Variants in ARHGEF7 observed in about 807,000 individuals in gnomAD.
ARHGEF7 encodes Rho guanine nucleotide exchange factor 7, also known as PAK-interacting exchange factor beta.
Under a neutral mutation model 109.8 loss-of-function variants are expected in ARHGEF7, and 33 were observed. The ratio of observed to expected loss-of-function variants is 0.30; its 90% CI spans 0.23 to 0.40. The LOEUF (loss-of-function observed/expected upper bound fraction) is 0.40, where lower values mean the gene tolerates loss of function less well. Ranked by LOEUF, ARHGEF7 falls within the 10% of genes least tolerant of loss-of-function variation. The probability of loss-of-function intolerance (pLI) is 1.00; values close to 1 mark genes in which losing one functional copy is unlikely to be tolerated. For missense variants in ARHGEF7, 938 were observed against 1,098.5 expected (o/e 0.85, Z 2.07); for synonymous variants, 458 against 424.6 (o/e 1.08, Z -0.97).
In ARHGEF7 at chr13:111,292,183, T is replaced by A; in HGVS notation, c.2200T>A (p.Ser734Thr). The change falls in exon 19 of 22, where the codon TCC (serine) becomes ACC (threonine). Residue 734 changes from serine (S) to threonine (T), a missense_variant. Physicochemically the swap from Ser to Thr is moderately conservative, Grantham distance 58. Around this residue, in one of 4 missense-constraint regions of ARHGEF7, gnomAD observed 166 missense variants for 167.3 expected, o/e 0.99. Transcript: ENST00000646102. Reference protein sequence around the residue: ...LADDDQPSLDSLGRRSSLSRL... With the variant: ...LADDDQPSLDTLGRRSSLSRL... ...TGATGATGACCAACCAAGCCTAGAC[T>A]CCCTGGGGCGTCGCAGTAGCCTTTC... The A allele has an allele frequency of 6.2e-7, 1 of 1,613,938 alleles. No individual in the cohort carries two copies. Among genetic ancestry groups the A allele is most frequent in the Non-Finnish European group, 8.5e-7 (1 of 1,180,020 alleles).
At chr13:111,123,864 C>CCCCT (rs796068259) in intron 1 of ARHGEF7, among the ~76,000 whole-genome samples, 5 of 32,776 alleles carry the variant, frequency 1.5e-4, no homozygotes, top group Non-Finnish European at 2.2e-4. Context: ...TGGGCTGCGC[C>CCCCT]CCCCCCCCCC....
At chr13:111,249,289 C>T (rs2089403827) in intron 8 of ARHGEF7, among the ~76,000 whole-genome samples, 1 of 152,028 alleles carries the variant, frequency 6.6e-6, no homozygotes, top group Non-Finnish European at 1.5e-5. Context: ...CATCCTTCCC[C>T]AGAATATACC....
chr13:111,153,790 C>T (rs918494590), intron 1 of ARHGEF7, 115 bp from the exon 2 acceptor site: 11 of 1,387,538 alleles, frequency 7.9e-6, no homozygotes, highest in Non-Finnish European at 9.3e-6. Flanking sequence ...CGTCGGGGGC[C>T]GCTCGCCAGC....
At chr13:111,162,649 G>T (rs996121745) in intron 2 of ARHGEF7, among the ~76,000 whole-genome samples, 9 of 152,120 alleles carry the variant, frequency 5.9e-5, no homozygotes, top group African/African-American at 9.7e-5. Context: ...AAAAGAAATT[G>T]CCTTACCTGT....
chr13:111,229,969 G>T (rs756065212), intron 5 of ARHGEF7, among the ~76,000 whole-genome samples: 2 of 152,076 alleles, frequency 1.3e-5, no homozygotes, highest in African/African-American at 4.8e-5. Context: ...GTTACTAAGG[G>T]ATCCAGTTTT....
chr13:111,149,156 T>A (rs981420667), intron 1 of ARHGEF7, among the ~76,000 whole-genome samples: 1 of 151,694 alleles, frequency 6.6e-6, no homozygotes, highest in Non-Finnish European at 1.5e-5. Flanking sequence ...ACGCCTGTAA[T>A]CCCAGCACTT....
chr13:111,189,307 G>C (rs1381871808), intron 2 of ARHGEF7, among the ~76,000 whole-genome samples: 1 of 152,186 alleles, frequency 6.6e-6, no homozygotes, highest in African/African-American at 2.4e-5. Flanking sequence ...AGTTATTAAA[G>C]ATGGTGTGTC....
At position 111,266,202 on chromosome 13, in the gene ARHGEF7, C is replaced by A. The variant is rs556651889; in HGVS notation, c.951-1346C>A. 1.3e-5 allele frequency among the ~76,000 whole-genome samples: 2 copies of A among 152,150 alleles called. No individual in the cohort carries two copies. Among genetic ancestry groups the A allele is most frequent in the African/African-American group, 4.8e-5 (2 of 41,506 alleles). On this transcript the variant is annotated intron_variant, in intron 8 of 21. Transcript: ENST00000646102. The surrounding 1 kb of genome is among the most constrained non-coding windows in gnomAD (Gnocchi z 4.8). ...AGACAGTTAGAGGAAGCGATTTCCA[C>A]CCCCGTTTCAAGGGGTGCTTCAGTG...
intron 21 of ARHGEF7, among the ~76,000 whole-genome samples, chr13:111,302,008 T>C (rs942530059): frequency 2.0e-5 from 3 of 152,208 alleles, no homozygotes; most frequent in African/African-American, 7.2e-5. Context: ...TTAAACTCTT[T>C]TTTTTTTCTT....
chr13:111,223,188 A>AT (rs1238034465), intron 5 of ARHGEF7, among the ~76,000 whole-genome samples: 2 of 152,000 alleles, frequency 1.3e-5, no homozygotes, highest in Non-Finnish European at 2.9e-5. Flanking sequence ...GCTATATTGC[A>AT]TTTTTTCCAG....
chr13:111,201,106 T>C (rs2081165567), intron 2 of ARHGEF7, among the ~76,000 whole-genome samples: 2 of 152,316 alleles, frequency 1.3e-5, no homozygotes, highest in South Asian at 4.1e-4. Context: ...TGTTGGCTCC[T>C]TCCAGTCTCT....
At chr13:111,247,027 T>C (rs1000884993) in intron 8 of ARHGEF7, among the ~76,000 whole-genome samples, 3 of 152,228 alleles carry the variant, frequency 2.0e-5, no homozygotes, top group African/African-American at 7.2e-5. Context: ...TTAGGTATTA[T>C]TTTGATCAAG....
At chr13:111,186,229 C>T (rs939338989) in intron 2 of ARHGEF7, among the ~76,000 whole-genome samples, 2 of 152,096 alleles carry the variant, frequency 1.3e-5, no homozygotes, top group African/African-American at 4.8e-5. Flanking sequence ...TTGCTGTGCT[C>T]CTGCCTCCCT....
Position 111,254,465 on chromosome 13 carries a change from G to A in ARHGEF7, c.950+10171G>A, listed in dbSNP as rs7990399. Reference sequence around the variant, plus strand: ...AGGATTCGGGCTAAGGCGCTGAGTCGCTAACATGAAGGCCGGCCTCAGAAG... The same window carrying A: ...AGGATTCGGGCTAAGGCGCTGAGTCACTAACATGAAGGCCGGCCTCAGAAG... On this transcript the variant is annotated intron_variant, in intron 8 of 21. Coordinates refer to ENST00000646102, the MANE Select transcript of ARHGEF7 (RefSeq NM_001354046.2). 8.1e-3 allele frequency among the ~76,000 whole-genome samples: 883 copies of A among 108,344 alleles called. 115 individuals carry two copies. The highest frequency in any genetic ancestry group is 0.022 in the African/African-American group (619 of 27,530). The allele number at this position is 108,344 out of a possible 152,430, so 71.1% of individuals were successfully genotyped here.
At chr13:111,241,989 G>A (rs2087870093) in intron 6 of ARHGEF7, among the ~76,000 whole-genome samples, 1 of 152,174 alleles carries the variant, frequency 6.6e-6, no homozygotes, top group South Asian at 2.1e-4. Flanking sequence ...AGCGTCTCTG[G>A]GGTGTGGTGG....
intron 6 of ARHGEF7, chr13:111,241,116 C>T: frequency 6.6e-7 from 1 of 1,510,510 alleles, no homozygotes; most frequent in African/African-American, 1.4e-5. Flanking sequence ...ACTTGCCTCT[C>T]CATGCCTCGT....
intron 1 of ARHGEF7, among the ~76,000 whole-genome samples, chr13:111,135,904 C>T (rs1290499404): frequency 6.6e-6 from 1 of 152,130 alleles, no homozygotes; most frequent in African/African-American, 2.4e-5. Flanking sequence ...CCAGTTTTTG[C>T]CCATTCAGTA....
rs1721939905 is a variant in ARHGEF7 at position 111,280,259 on chromosome 13, G to T, written c.1507-13G>T. ...TAATTGTTTTTTTTTTTGTGGGGGG[G>T]GGTCTTTTTTAGGGAAAGCTTCCAA... On this transcript the variant is annotated splice_polypyrimidine_tract_variant and intron_variant, in intron 13 of 21. Transcript: ENST00000646102. The T allele has an allele frequency of 1.2e-6, 2 of 1,602,510 alleles. No individual in the cohort carries two copies. Among genetic ancestry groups the T allele is most frequent in the African/African-American group, 1.4e-5 (1 of 73,924 alleles).
chr13:111,155,393 CGTT>C (rs2076237781), intron 2 of ARHGEF7, among the ~76,000 whole-genome samples: 1 of 152,160 alleles, frequency 6.6e-6, no homozygotes, highest in Non-Finnish European at 1.5e-5. Flanking sequence ...GTATTACTGG[CGTT>C]GTTTATGATT....
Sources: allele counts gnomAD v4.1 joint callset (sites outside exome capture counted in the v4.1 genomes callset), GRCh38; gene constraint gnomAD v4.1.1; regional missense constraint gnomAD v4.1.1; non-coding constraint Gnocchi (gnomAD v3.1); transcripts MANE v1.5; gene names NCBI Gene and HGNC (gene_info 2026-07-23, HGNC 2026-07-21).